KATNAL1: variants seen among roughly 807,000 people sequenced by gnomAD.
KATNAL1 encodes the protein katanin p60 ATPase-containing subunit A-like 1.
Under a neutral mutation model 55.2 loss-of-function variants are expected in KATNAL1, and 32 were observed. The ratio of observed to expected loss-of-function variants is 0.58; its 90% CI spans 0.44 to 0.78. The LOEUF (loss-of-function observed/expected upper bound fraction) is 0.78, where lower values mean the gene tolerates loss of function less well. Among genes scored for constraint, KATNAL1 ranks in the 30% least tolerant of loss-of-function variants. The pLI is 0.00. For synonymous variants in KATNAL1, 193 were observed against 193.6 expected (o/e 1.00, Z 0.02); for missense variants, 466 against 600.9 (o/e 0.78, Z 2.35).
chr13:30,270,239 G>T lies in KATNAL1; in HGVS notation c.323+9824C>A. Among the ~76,000 whole-genome samples, 2 of 137,580 alleles carry T rather than the reference G, an allele frequency of 1.5e-5. 1 individual carries two copies. Among genetic ancestry groups the T allele is most frequent in the Non-Finnish European group, 3.3e-5 (2 of 59,750 alleles). The allele number at this position is 137,580 out of a possible 152,430, so 90.3% of individuals were successfully genotyped here. On this transcript the variant is annotated intron_variant, in intron 3 of 10. Transcript: ENST00000380615. ...CCCGCCCGGCCAGCCGCCCCGTCCGGGAGGGAGGTTGGGGGGTCAGCCCCC... is the reference window on the plus strand; with the variant it reads ...CCCGCCCGGCCAGCCGCCCCGTCCGTGAGGGAGGTTGGGGGGTCAGCCCCC...
Position 30,302,668 on chromosome 13 carries a change from A to G in KATNAL1, c.-15+4663T>C, listed in dbSNP as rs552175750. On this transcript the variant is annotated intron_variant, in intron 1 of 10. Transcript: ENST00000380615. Reference sequence around the variant, plus strand: ...CGTAAAAGCTAAGAAAATAAGAAATAAAATACATTGTTTTTTGGAGATGAT... The same window carrying G: ...CGTAAAAGCTAAGAAAATAAGAAATGAAATACATTGTTTTTTGGAGATGAT... 7.9e-5 allele frequency among the ~76,000 whole-genome samples: 12 copies of G among 152,376 alleles called. No homozygotes were observed. The East Asian group carries it at 1.9e-3, about 24-fold the overall frequency.
At chr13:30,224,621 T>C (rs1357113228) in intron 9 of KATNAL1, among the ~76,000 whole-genome samples, 1 of 150,766 alleles carries the variant, frequency 6.6e-6, no homozygotes, top group Non-Finnish European at 1.5e-5. Flanking sequence ...ATACTCAAAG[T>C]GTAAAGCAAA....
At chr13:30,286,541 G>T (rs186594136) in intron 1 of KATNAL1, among the ~76,000 whole-genome samples, 1 of 152,248 alleles carries the variant, frequency 6.6e-6, no homozygotes, top group Non-Finnish European at 1.5e-5. Flanking sequence ...GTATGGAAAT[G>T]CCTGGAGGTC....
chr13:30,208,842 G>A, intron 10 of KATNAL1, 104 bp from the exon 11 acceptor site: 1 of 798,058 alleles, frequency 1.3e-6, no homozygotes, highest in South Asian at 2.4e-5. Flanking sequence ...TATTTTATAT[G>A]TTTTTATGAG....
intron 1 of KATNAL1, among the ~76,000 whole-genome samples, chr13:30,301,984 AC>A (rs1882885809): frequency 6.6e-6 from 1 of 151,980 alleles, no homozygotes; most frequent in African/African-American, 2.4e-5. Flanking sequence ...CAATCCTCCC[AC>A]CTCAGCCTCC....
At chr13:30,224,426 C>T (rs141097392) in intron 9 of KATNAL1, among the ~76,000 whole-genome samples, 1 of 151,514 alleles carries the variant, frequency 6.6e-6, no homozygotes, top group African/African-American at 2.4e-5. Context: ...AGTCCCTACT[C>T]AAGAGGCTGA....
At chr13:30,299,140 T>C (rs1175992181) in intron 1 of KATNAL1, among the ~76,000 whole-genome samples, 6 of 152,086 alleles carry the variant, frequency 3.9e-5, no homozygotes, top group Admixed American at 6.5e-5. Context: ...GGTAAGGGTG[T>C]AGGGGGTTGG....
intron 3 of KATNAL1, among the ~76,000 whole-genome samples, chr13:30,263,389 G>A (rs1332223110): frequency 6.0e-5 from 9 of 151,082 alleles, no homozygotes; most frequent in Admixed American, 3.3e-4. Context: ...GCAGGAGAAG[G>A]AAATAAAGGG....
chr13:30,259,422 G>A (rs564557060), intron 3 of KATNAL1, among the ~76,000 whole-genome samples: 14 of 152,088 alleles, frequency 9.2e-5, no homozygotes, highest in African/African-American at 3.1e-4. Context: ...TGTGAGCGAC[G>A]CAAAAGACCA....
chr13:30,270,280 C>A (rs1352898548), intron 3 of KATNAL1, among the ~76,000 whole-genome samples: 2 of 149,866 alleles, frequency 1.3e-5, no homozygotes, highest in Admixed American at 6.6e-5. Flanking sequence ...CGGCCAGCCA[C>A]CCCGTCCAGG....
chr13:30,283,579 C>T (rs757206301), intron 2 of KATNAL1, 37 bp downstream of exon 2: 1 of 1,595,456 alleles, frequency 6.3e-7, no homozygotes, highest in South Asian at 1.1e-5. Context: ...TAGGGTACTG[C>T]CATCCTAACT....
Position 30,285,804 on chromosome 13 carries a change from G to A in KATNAL1, c.-14-2013C>T, listed in dbSNP as rs968938922. Among the ~76,000 whole-genome samples, 6 of 152,216 alleles carry A rather than the reference G, an allele frequency of 3.9e-5. No homozygotes were observed. In the South Asian group the frequency reaches 1.2e-3, roughly 32 times the overall value. On this transcript the variant is annotated intron_variant, in intron 1 of 10. Transcript: ENST00000380615. The stretch of plus-strand genomic sequence containing the variant: ...GCTGAATGGTTTTGACCAAAATGAT[G>A]ATAGTGATATGGACAATGAAGTTCA...
chr13:30,283,264 C>T (rs1280134846), intron 2 of KATNAL1, among the ~76,000 whole-genome samples: 1 of 14,714 alleles, frequency 6.8e-5, no homozygotes, highest in African/African-American at 5.6e-4. Flanking sequence ...AAGACTCTGT[C>T]TCAAAAAAAA....
At chr13:30,261,074 TAAAG>T (rs1159126787) in intron 3 of KATNAL1, among the ~76,000 whole-genome samples, 5 of 151,944 alleles carry the variant, frequency 3.3e-5, no homozygotes, top group African/African-American at 7.3e-5. Context: ...TCAACATTCT[TAAAG>T]AAAATAATTT....
intron 9 of KATNAL1, among the ~76,000 whole-genome samples, chr13:30,225,147 G>A (rs989862715): frequency 6.6e-6 from 1 of 152,102 alleles, no homozygotes; most frequent in Non-Finnish European, 1.5e-5. Flanking sequence ...TCAAGGTTAG[G>A]AGTCTCAGTG....
chr13:30,227,284 A>G, intron 9 of KATNAL1, 128 bp downstream of exon 9: 1 of 812,518 alleles, frequency 1.2e-6, no homozygotes, highest in Non-Finnish European at 1.9e-6. Flanking sequence ...CTGTGTTCAC[A>G]TCTACTACAA....
intron 3 of KATNAL1, among the ~76,000 whole-genome samples, chr13:30,276,096 G>A (rs1048729356): frequency 6.6e-6 from 1 of 152,086 alleles, no homozygotes; most frequent in Non-Finnish European, 1.5e-5. Flanking sequence ...CCAAGAATGA[G>A]CTAGAGACTT....
At chr13:30,224,580 C>T (rs1325636459) in intron 9 of KATNAL1, among the ~76,000 whole-genome samples, 2 of 148,756 alleles carry the variant, frequency 1.3e-5, no homozygotes, top group East Asian at 3.9e-4. Flanking sequence ...AAACCAATAA[C>T]CTTAGTTTCT....
At chr13:30,303,334 T>C (rs779123828) in intron 1 of KATNAL1, among the ~76,000 whole-genome samples, 3 of 152,246 alleles carry the variant, frequency 2.0e-5, no homozygotes, top group Non-Finnish European at 4.4e-5. Context: ...CTCACTTTTA[T>C]CAGGTATTCT....
Sources: gnomAD v4.1 joint callset for allele counts (sites outside exome capture counted in the v4.1 genomes callset) on GRCh38, gnomAD v4.1.1 for gene constraint, MANE v1.5 for transcripts, NCBI Gene and HGNC (gene_info 2026-07-23, HGNC 2026-07-21) for gene names.